POTEF: variants seen among roughly 807,000 people sequenced by gnomAD.
POTEF encodes the protein ANKRD26-like family C member 1B.
In POTEF, 20 loss-of-function variants were observed where a neutral mutation model predicts 83.2. That is an observed-to-expected ratio of 0.24 (90% confidence interval 0.17 to 0.35). The LOEUF is 0.35. POTEF is among the 10% of genes least tolerant of loss of function. The probability of loss-of-function intolerance (pLI) is 1.00; values close to 1 mark genes in which losing one functional copy is unlikely to be tolerated. For synonymous variants in POTEF, 196 were observed against 446.4 expected (o/e 0.44, Z 7.07); for missense variants, 550 against 1,203.2 (o/e 0.46, Z 8.03).
intron 2 of POTEF, among the ~76,000 whole-genome samples, chr2:130,121,510 G>C (rs1380852471): frequency 3.8e-5 from 3 of 79,756 alleles, no homozygotes; most frequent in African/African-American, 1.7e-4. Flanking sequence ...CCGAGCCCAG[G>C]GCCTGCCTGA....
chr2:130,119,326 G>A (rs1411657331), intron 3 of POTEF, among the ~76,000 whole-genome samples: 1 of 151,780 alleles, frequency 6.6e-6, no homozygotes, highest in Admixed American at 6.6e-5. Flanking sequence ...ACCGCACCCG[G>A]CTAATTTTTT....
rs191302832 is a variant in POTEF, at chr2:130,110,460, T to A, written c.1055+83A>T. On this transcript the variant is annotated intron_variant, in intron 7 of 16. Transcript: ENST00000409914. The stretch of plus-strand genomic sequence containing the variant: ...ACTACCTGAACCAAACTATGACATC[T>A]CACCTGATATGTGAGATGCAACTGT... 5,214 of 1,547,244 alleles carry A rather than the reference T, an allele frequency of 3.4e-3. 305 individuals carry two copies. In the African/African-American group the frequency reaches 0.067, roughly 20 times the overall value.
In POTEF at chr2:130,118,306, T is replaced by C. The variant is rs553529234; in HGVS notation, c.521+1689A>G. On this transcript the variant is annotated intron_variant, in intron 3 of 16. Transcript: ENST00000409914. Reference sequence around the variant, plus strand: ...TCCTCTTCTAACTTACATTCCTTCTTCTACCAGGAACGCTATCTTTTCCTA... The same window carrying C: ...TCCTCTTCTAACTTACATTCCTTCTCCTACCAGGAACGCTATCTTTTCCTA... Among the ~76,000 whole-genome samples, 8 of 152,028 alleles carry C rather than the reference T, an allele frequency of 5.3e-5. No homozygotes were observed. In the South Asian group the frequency reaches 1.7e-3, roughly 32 times the overall value.
intron 2 of POTEF, among the ~76,000 whole-genome samples, chr2:130,125,451 C>T (rs1201888305): frequency 6.7e-6 from 1 of 149,984 alleles, no homozygotes; most frequent in Non-Finnish European, 1.5e-5. Flanking sequence ...TTACACATTT[C>T]TACGGGCTTG....
intron 2 of POTEF, 171 bp from the exon 3 acceptor site, chr2:130,120,779 A>C: frequency 4.7e-5 from 29 of 615,338 alleles, no homozygotes; most frequent in East Asian, 1.6e-4. Context: ...CCCCAAGAAA[A>C]CACCCAGCCC....
chr2:130,128,815 C>T (rs1431237869), intron 1 of POTEF, among the ~76,000 whole-genome samples: 1 of 134,148 alleles, frequency 7.5e-6, no homozygotes. Flanking sequence ...GAAAATAGTG[C>T]CCCTAACCCC....
At chr2:130,115,388 G>C in intron 3 of POTEF, 60 bp from the exon 4 acceptor site, 1 of 1,605,372 alleles carries the variant, frequency 6.2e-7, no homozygotes, top group Non-Finnish European at 8.5e-7. Flanking sequence ...CCATAGCAAT[G>C]ATTCATGTAA....
At chr2:130,106,924 G>A (rs200336500) in intron 8 of POTEF, among the ~76,000 whole-genome samples, 17 of 149,490 alleles carry the variant, frequency 1.1e-4, no homozygotes, top group East Asian at 2.0e-4. Context: ...GAAATGAAAT[G>A]GAGACAGCTC....
At chr2:130,105,986 G>A (rs2599855) in intron 8 of POTEF, among the ~76,000 whole-genome samples, 7 of 151,094 alleles carry the variant, frequency 4.6e-5, no homozygotes, top group African/African-American at 1.2e-4. Flanking sequence ...GACCCAGCCA[G>A]TGAAATGTTA....
intron 11 of POTEF, among the ~76,000 whole-genome samples, chr2:130,094,894 C>A (rs1279720911): frequency 4.8e-4 from 67 of 140,850 alleles, no homozygotes; most frequent in Non-Finnish European, 9.2e-5. Flanking sequence ...TAGTGAATAA[C>A]CACAATATTG....
At position 130,078,325 on chromosome 2, in the gene POTEF, T is replaced by C. The variant is rs1199046024; in HGVS notation, c.1779-1124A>G. 2.2e-5 allele frequency among the ~76,000 whole-genome samples: 2 copies of C among 90,732 alleles called. 1 individual carries two copies. 59.5% of individuals were successfully genotyped at this position (90,732 alleles called of 152,430 possible). A position where few individuals can be genotyped will look rare whatever the true frequency, so the allele number is the denominator to read the frequency against. On this transcript the variant is annotated intron_variant, in intron 15 of 16. Coordinates refer to ENST00000409914, the MANE Select transcript of POTEF (RefSeq NM_001099771.2). ...CAACTACAACCAAGCTGAGAGTTCA[T>C]ATCAACAATCCAATCCCTTTTACAG... is the stretch of plus-strand genomic sequence containing the variant.
intron 7 of POTEF, chr2:130,109,244 T>G (rs943313283): frequency 3.4e-5 from 5 of 147,850 alleles, no homozygotes; most frequent in African/African-American, 1.0e-4. Flanking sequence ...TGCCTCCTTA[T>G]GCAGAAGCCA....
At chr2:130,122,260 TATAA>T (rs1000554400) in intron 2 of POTEF, among the ~76,000 whole-genome samples, 4 of 151,096 alleles carry the variant, frequency 2.6e-5, no homozygotes, top group African/African-American at 9.8e-5. Context: ...TTTTTGTTGC[TATAA>T]ATACTTTTAT....
chr2:130,086,286 TAAAC>T, intron 14 of POTEF, 53 bp downstream of exon 14: 5 of 1,327,912 alleles, frequency 3.8e-6, no homozygotes, highest in Non-Finnish European at 5.2e-6. Context: ...TACACTTTGT[TAAAC>T]AACATAATGT....
At chr2:130,128,865 G>C (rs1685168103) in intron 1 of POTEF, among the ~76,000 whole-genome samples, 3 of 108,200 alleles carry the variant, frequency 2.8e-5, no homozygotes, top group Non-Finnish European at 5.4e-5. Flanking sequence ...CACACAACCT[G>C]CCTCCCCCCC....
At chr2:130,114,747 T>C in intron 5 of POTEF, 134 bp downstream of exon 5, 1 of 1,353,338 alleles carries the variant, frequency 7.4e-7, no homozygotes, top group Non-Finnish European at 9.9e-7. Flanking sequence ...AAGTCTTAGA[T>C]AATTAGGTCA....
intron 1 of POTEF, among the ~76,000 whole-genome samples, chr2:130,128,458 A>C (rs1486877224): frequency 1.3e-5 from 2 of 149,656 alleles, no homozygotes; most frequent in South Asian, 2.1e-4. Context: ...CCCCATAGCA[A>C]CCCTAACCTG....
chr2:130,104,070 C>G lies in POTEF; in HGVS notation c.1127-1890G>C, dbSNP rs3863891. On this transcript the variant is annotated intron_variant, in intron 8 of 16. Coordinates refer to ENST00000409914, the MANE Select transcript of POTEF (RefSeq NM_001099771.2). The stretch of plus-strand genomic sequence containing the variant: ...TTAAATGCCAAAACCAATATTCCTA[C>G]TGAACAATTATTCATTAAGACAAGG... Among the ~76,000 whole-genome samples the G allele has an allele frequency of 6.0e-4, 90 of 148,850 alleles. 1 individual carries two copies. Among genetic ancestry groups the G allele is most frequent in the Middle Eastern group, 3.4e-3 (1 of 292 alleles).
chr2:130,116,366 G>T (rs1007311884), intron 3 of POTEF, among the ~76,000 whole-genome samples: 3 of 148,558 alleles, frequency 2.0e-5, no homozygotes, highest in African/African-American at 7.6e-5. Flanking sequence ...TACATTCAGG[G>T]GTACACGTGC....
Sources: allele counts gnomAD v4.1 joint callset (sites outside exome capture counted in the v4.1 genomes callset), GRCh38; gene constraint gnomAD v4.1.1; transcripts MANE v1.5; gene names NCBI Gene and HGNC (gene_info 2026-07-23, HGNC 2026-07-21).